The following DIAPH3 variants were observed in gnomAD, a reference collection of about 807,000 sequenced individuals.
DIAPH3 encodes protein diaphanous homolog 3.
Under a neutral mutation model 144.3 loss-of-function variants are expected in DIAPH3, and 117 were observed. That is an observed-to-expected ratio of 0.81 (90% CI 0.70 to 0.95). The LOEUF (loss-of-function observed/expected upper bound fraction) is 0.95. DIAPH3 is among the 40% of genes least tolerant of loss of function. The pLI is 0.00. For synonymous variants in DIAPH3, 519 were observed against 488.9 expected, an observed-to-expected ratio of 1.06 and a Z score of -0.81; for missense variants, 1,421 against 1,412.7, an observed-to-expected ratio of 1.01 and a Z score of -0.09.
chr13:59,835,309 G>C (rs1350742450), intron 23 of DIAPH3, among the ~76,000 whole-genome samples: 1 of 151,620 alleles, frequency 6.6e-6, no homozygotes, highest in Non-Finnish European at 1.5e-5. Flanking sequence ...TTAGAGTATG[G>C]AGACAGATAA....
chr13:59,870,829 C>T (rs1199199289), intron 21 of DIAPH3, among the ~76,000 whole-genome samples: 2 of 151,956 alleles, frequency 1.3e-5, no homozygotes, highest in East Asian at 1.9e-4. Flanking sequence ...TGCCACCACG[C>T]CTGGCTAATT....
intron 14 of DIAPH3, 84 bp downstream of exon 14, chr13:59,980,711 G>T (rs1035692224): frequency 1.6e-6 from 2 of 1,232,188 alleles, no homozygotes; most frequent in Non-Finnish European, 2.4e-6. Context: ...AAGAAAGAAC[G>T]AATAACAAGC....
chr13:59,677,578 C>T (rs2032712877), intron 27 of DIAPH3, among the ~76,000 whole-genome samples: 1 of 152,118 alleles, frequency 6.6e-6, no homozygotes, highest in Non-Finnish European at 1.5e-5. Context: ...ATACTTACAG[C>T]AGATCTCTAT....
intron 27 of DIAPH3, among the ~76,000 whole-genome samples, chr13:59,698,289 T>C (rs1435784798): frequency 6.6e-6 from 1 of 152,210 alleles, no homozygotes; most frequent in African/African-American, 2.4e-5. Context: ...AATTTCACTC[T>C]GAGCTTAATA....
Position 60,027,695 on chromosome 13 carries a change from A to T in DIAPH3, c.627-11550T>A, listed in dbSNP as rs547526412. Among the ~76,000 whole-genome samples, 21 of 152,310 alleles carry T rather than the reference A, an allele frequency of 1.4e-4. No homozygotes were observed. In the East Asian group the frequency reaches 3.9e-3, roughly 28 times the overall value. On this transcript the variant is annotated intron_variant, in intron 5 of 27. Coordinates refer to ENST00000400324, the MANE Select transcript of DIAPH3 (RefSeq NM_001042517.2). ...AGTCCACTATTAAAAGGAACATATT[A>T]TAAAAAAGGAAATATCTTATTTGGA...
chr13:59,732,755 GAT>G (rs564818354), intron 27 of DIAPH3, among the ~76,000 whole-genome samples: 1 of 151,794 alleles, frequency 6.6e-6, no homozygotes, highest in Non-Finnish European at 1.5e-5. Context: ...TGGCCTGATA[GAT>G]ATATATATAT....
chr13:59,867,086 T>C (rs1424182630), intron 21 of DIAPH3, among the ~76,000 whole-genome samples: 1 of 148,668 alleles, frequency 6.7e-6, no homozygotes, highest in Non-Finnish European at 1.5e-5. Flanking sequence ...TATTTTTAAA[T>C]ATATATTTTA....
At chr13:60,154,998 A>T (rs1179291598) in intron 1 of DIAPH3, among the ~76,000 whole-genome samples, 1 of 152,204 alleles carries the variant, frequency 6.6e-6, no homozygotes, top group Non-Finnish European at 1.5e-5. Context: ...ATAAAAAGCC[A>T]ATTTTAAATC....
chr13:59,977,082 C>T (rs2050718505), intron 14 of DIAPH3, among the ~76,000 whole-genome samples: 1 of 151,662 alleles, frequency 6.6e-6, no homozygotes, highest in Admixed American at 6.6e-5. Context: ...TAACAACACA[C>T]CCGAGATATG....
At chr13:59,719,558 C>T (rs2035235636) in intron 27 of DIAPH3, among the ~76,000 whole-genome samples, 3 of 152,054 alleles carry the variant, frequency 2.0e-5, no homozygotes, top group Non-Finnish European at 2.9e-5. Flanking sequence ...ACATTCCAGG[C>T]AATGGGTTCT....
chr13:59,919,595 C>A (rs891668235), intron 18 of DIAPH3, among the ~76,000 whole-genome samples: 1 of 152,016 alleles, frequency 6.6e-6, no homozygotes, highest in Non-Finnish European at 1.5e-5. Context: ...GATAGAGTTT[C>A]CCAGACAAAC....
intron 17 of DIAPH3, among the ~76,000 whole-genome samples, chr13:59,925,573 G>A (rs1162241320): frequency 6.6e-6 from 1 of 152,162 alleles, no homozygotes; most frequent in Admixed American, 6.6e-5. Context: ...CTTGTAGCAT[G>A]AGTTAGGAAG....
intron 12 of DIAPH3, among the ~76,000 whole-genome samples, chr13:59,988,261 C>T (rs780539041): frequency 9.2e-5 from 14 of 151,798 alleles, no homozygotes; most frequent in Non-Finnish European, 1.8e-4. Flanking sequence ...TCTCCCATCC[C>T]CAAATATTTC....
chr13:59,836,332 C>T (rs1409353830), intron 23 of DIAPH3, among the ~76,000 whole-genome samples: 2 of 151,810 alleles, frequency 1.3e-5, no homozygotes, highest in African/African-American at 4.8e-5. Context: ...GTACACCTCA[C>T]ATATAATAGC....
chr13:60,070,164 T>C lies in DIAPH3; in HGVS notation c.495+23464A>G, dbSNP rs149479987. On this transcript the variant is annotated intron_variant, in intron 4 of 27. Transcript: ENST00000400324. ...TTGTCTCTAATTTATCTCAGCAATG[T>C]TTTGTAATTTTCTTTGTAGAGTTTG... 3.6e-3 allele frequency among the ~76,000 whole-genome samples: 550 copies of C among 152,242 alleles called. 1 individual carries two copies. Among genetic ancestry groups the C allele is most frequent in the Non-Finnish European group, 6.1e-3 (418 of 67,988 alleles).
intron 20 of DIAPH3, among the ~76,000 whole-genome samples, chr13:59,888,675 G>A (rs562142074): frequency 1.3e-5 from 2 of 151,942 alleles, no homozygotes; most frequent in Admixed American, 6.6e-5. Context: ...ACTATTTCAG[G>A]TACTCTTCAT....
At chr13:60,050,191 C>T (rs539715653) in intron 4 of DIAPH3, among the ~76,000 whole-genome samples, 14 of 152,040 alleles carry the variant, frequency 9.2e-5, no homozygotes, top group African/African-American at 3.1e-4. Flanking sequence ...AAAACTGTGT[C>T]TCAAAAAAAG....
chr13:60,067,938 CAT>C (rs2057037722), intron 4 of DIAPH3, among the ~76,000 whole-genome samples: 1 of 152,124 alleles, frequency 6.6e-6, no homozygotes, highest in Non-Finnish European at 1.5e-5. Flanking sequence ...CACATATACA[CAT>C]AGAGAATAAT....
intron 1 of DIAPH3, among the ~76,000 whole-genome samples, chr13:60,156,947 T>A (rs1264845369): frequency 0.029 from 1,204 of 41,378 alleles, 68 homozygotes; most frequent in African/African-American, 0.11. Context: ...ATATTTTTTT[T>A]TTTTTTTTTT....
Sources: allele counts gnomAD v4.1 joint callset (sites outside exome capture counted in the v4.1 genomes callset), GRCh38; gene constraint gnomAD v4.1.1; transcripts MANE v1.5; gene names NCBI Gene and HGNC (gene_info 2026-07-23, HGNC 2026-07-21).